The following DNAJC2 variants were observed in gnomAD, a reference collection of about 807,000 sequenced individuals.
DNAJC2 encodes the protein DnaJ heat shock protein family (Hsp40) member C2.
A neutral mutation model predicts 94.0 loss-of-function variants in DNAJC2; 32 were observed. The ratio of observed to expected loss-of-function variants is 0.34; its 90% CI spans 0.26 to 0.46. DNAJC2 has a LOEUF of 0.46. Among genes scored for constraint, DNAJC2 ranks in the 20% least tolerant of loss-of-function variants. DNAJC2 has a pLI of 1.00. For missense variants in DNAJC2, 550 were observed against 719.5 expected (o/e 0.76, Z 2.69); for synonymous variants, 210 against 229.7 (o/e 0.91, Z 0.77).
intron 7 of DNAJC2, among the ~76,000 whole-genome samples, chr7:103,323,335 G>A (rs755932660): frequency 2.0e-4 from 30 of 152,264 alleles, no homozygotes; most frequent in Admixed American, 1.1e-3. Context: ...CCTAGGTTAA[G>A]CAACCAGAAG....
Position 103,323,490 on chromosome 7 carries a change from T to A in DNAJC2, c.719+108A>T, listed in dbSNP as rs1448511686. 3.5e-6 allele frequency: 4 copies of A among 1,138,800 alleles called. No homozygotes were observed. The African/African-American group carries it at 4.9e-5, about 14-fold the overall frequency. 70.5% of individuals were successfully genotyped at this position (1,138,800 alleles called of 1,614,324 possible). ...ATATTAAAAAATTGTTTAAAAAAGA[T>A]GTACAAAGAGAAAATATGAAAGAAA... On this transcript the variant is annotated intron_variant, in intron 7 of 16. Coordinates refer to ENST00000379263, the MANE Select transcript of DNAJC2 (RefSeq NM_014377.3).
intron 4 of DNAJC2, chr7:103,327,369 C>G (rs1181500289): frequency 8.0e-7 from 1 of 1,245,706 alleles, no homozygotes; most frequent in Non-Finnish European, 1.1e-6. Context: ...ATAAGAATCA[C>G]CTGGGGATCC....
At chr7:103,327,563 G>C (rs1586094049) in intron 4 of DNAJC2, 93 bp downstream of exon 4, 1 of 816,928 alleles carries the variant, frequency 1.2e-6, no homozygotes, top group East Asian at 2.6e-5. Flanking sequence ...AAGGATAGTT[G>C]AATGAACTAC....
chr7:103,315,276 C>T (rs777314382), intron 15 of DNAJC2, among the ~76,000 whole-genome samples: 1 of 151,642 alleles, frequency 6.6e-6, no homozygotes, highest in African/African-American at 2.4e-5. Context: ...TCCCTGTATA[C>T]TCTGCCTACA....
chr7:103,330,139 T>G (rs539729865), intron 3 of DNAJC2, among the ~76,000 whole-genome samples: 11 of 152,228 alleles, frequency 7.2e-5, no homozygotes, highest in Non-Finnish European at 1.5e-4. Flanking sequence ...GTGCTTTCAC[T>G]ACCTACTCAG....
chr7:103,329,170 T>A lies in DNAJC2; in HGVS notation c.332-1416A>T, dbSNP rs149626862. 1.9e-3 allele frequency: 641 copies of A among 334,498 alleles called. 4 individuals are homozygous for A. Among genetic ancestry groups the A allele is most frequent in the African/African-American group, 0.014 (619 of 45,566 alleles). 20.7% of individuals were successfully genotyped at this position (334,498 alleles called of 1,614,324 possible). On this transcript the variant is annotated intron_variant, in intron 3 of 16. Coordinates refer to ENST00000379263, the MANE Select transcript of DNAJC2 (RefSeq NM_014377.3). ...TCTGACTCTGTGTGTCACTTACAAT[T>A]AATAATGCTAGCTGTTAACATCTAC...
intron 15 of DNAJC2, chr7:103,314,036 A>G: frequency 5.1e-6 from 5 of 985,424 alleles, no homozygotes; most frequent in South Asian, 9.4e-5. Flanking sequence ...AAACAAAACA[A>G]AACAAAACAA....
intron 15 of DNAJC2, chr7:103,313,423 G>C (rs764295234): frequency 1.0e-6 from 1 of 983,530 alleles, no homozygotes; most frequent in African/African-American, 1.7e-5. Flanking sequence ...TTATAGTACT[G>C]TTGGACTCTT....
Position 103,316,107 on chromosome 7 carries a change from CAAT to C in DNAJC2, c.1428-22_1428-20del, listed in dbSNP as rs1818038960. On this transcript the variant is annotated intron_variant, in intron 13 of 16. Transcript: ENST00000379263. ...TTCCCATCTGATAGGATATATTATA[CAAT>C]AATATGAATAGTAGTAAGGAAAAAC... The C allele has an allele frequency of 7.0e-7, 1 of 1,425,662 alleles. No individual in the cohort carries two copies. The highest frequency in any genetic ancestry group is 1.4e-5 in the African/African-American group (1 of 69,340). 88.3% of individuals were successfully genotyped at this position (1,425,662 alleles called of 1,614,324 possible).
Position 103,344,677 on chromosome 7 carries a change from C to T in DNAJC2, c.-55G>A, listed in dbSNP as rs939481852. On this transcript the variant is annotated 5_prime_UTR_variant, in exon 1 of 17. Transcript: ENST00000379263. Reference sequence around the variant, plus strand: ...AGCGGCTCACGTCCCGGGCGGAGGGCGCTTAGGGTCCCCTCCAGCTCTACC... The same window carrying T: ...AGCGGCTCACGTCCCGGGCGGAGGGTGCTTAGGGTCCCCTCCAGCTCTACC... 10 of 1,573,204 alleles carry T rather than the reference C, an allele frequency of 6.4e-6. No individual in the cohort carries two copies. The African/African-American group carries it at 1.3e-4, about 21-fold the overall frequency.
intron 4 of DNAJC2, chr7:103,327,218 T>C (rs1818754213): frequency 8.2e-6 from 4 of 486,060 alleles, no homozygotes; most frequent in Non-Finnish European, 1.4e-5. Flanking sequence ...TATAATCAAC[T>C]TCTTGATTTA....
In DNAJC2 at chr7:103,312,440, C is replaced by G; in HGVS notation, c.*129G>C. 1 of 1,517,774 alleles carries G rather than the reference C, an allele frequency of 6.6e-7. No individual in the cohort carries two copies. 94.0% of individuals were successfully genotyped at this position (1,517,774 alleles called of 1,614,324 possible). On this transcript the variant is annotated 3_prime_UTR_variant, in exon 17 of 17. Transcript: ENST00000379263. ...AGGTTGTTTTGTATTAATGGTCAGT[C>G]TTTGTTCTCTGAGAAATTATGTTGG... is the stretch of plus-strand genomic sequence containing the variant.
chr7:103,338,770 C>G (rs1260416555), intron 2 of DNAJC2, among the ~76,000 whole-genome samples: 4 of 151,558 alleles, frequency 2.6e-5, no homozygotes, highest in Non-Finnish European at 5.9e-5. Flanking sequence ...ATTAGCCGGG[C>G]GTGGTGGCGC....
In DNAJC2 at chr7:103,337,656, T is replaced by C. The variant is rs191329213; in HGVS notation, c.331+80A>G. 1.7e-3 allele frequency: 1,936 copies of C among 1,146,232 alleles called. 55 individuals carry two copies. In the Admixed American group the frequency reaches 0.034, roughly 20 times the overall value. 71.0% of individuals were successfully genotyped at this position (1,146,232 alleles called of 1,614,324 possible). ...ATGTAGTTATGGCTGCAGACTATGA[T>C]ACTGTATATCTTTTAAAAAGCATAG... is the stretch of plus-strand genomic sequence containing the variant. On this transcript the variant is annotated intron_variant, in intron 3 of 16. Transcript: ENST00000379263.
intron 10 of DNAJC2, 28 bp from the exon 11 acceptor site, chr7:103,319,872 C>G: frequency 6.2e-7 from 1 of 1,608,436 alleles, no homozygotes; most frequent in Non-Finnish European, 8.5e-7. Context: ...AAAATAGTAT[C>G]TACACTCAAA....
At chr7:103,320,830 C>A in intron 10 of DNAJC2, 1 of 113,036 alleles carries the variant, frequency 8.8e-6, no homozygotes, top group Non-Finnish European at 1.7e-5. Context: ...CTCAGCATGT[C>A]TTTTTTTTTT....
Position 103,324,448 on chromosome 7 carries a change from AT to A in DNAJC2, c.653+33del, listed in dbSNP as rs752239907. 14 of 1,432,302 alleles carry A rather than the reference AT, an allele frequency of 9.8e-6. No homozygotes were observed. In the African/African-American group the frequency reaches 2.1e-4, roughly 21 times the overall value. 88.7% of individuals were successfully genotyped at this position (1,432,302 alleles called of 1,614,324 possible). A position where few individuals can be genotyped will look rare whatever the true frequency, so the allele number is the denominator to read the frequency against. The stretch of plus-strand genomic sequence containing the variant: ...TATTGAATACTTTTCCTTTTAAAAA[AT>A]GACAGCATCATACAAACAGTATATT... On this transcript the variant is annotated intron_variant, in intron 6 of 16. Transcript: ENST00000379263.
Position 103,322,797 on chromosome 7 carries a change from A to G in DNAJC2, c.720-3T>C, listed in dbSNP as rs1428491571. On this transcript the variant is annotated splice_region_variant and splice_polypyrimidine_tract_variant and intron_variant, in intron 7 of 16. Coordinates refer to ENST00000379263, the MANE Select transcript of DNAJC2 (RefSeq NM_014377.3). ...CAATCCATCTCCTCTCATCACGACTATAAAATAGAAAATATTGGAAACAAA... is the reference window on the plus strand; with the variant it reads ...CAATCCATCTCCTCTCATCACGACTGTAAAATAGAAAATATTGGAAACAAA... The G allele has an allele frequency of 6.9e-6, 11 of 1,599,708 alleles. No homozygotes were observed. Among genetic ancestry groups the G allele is most frequent in the Admixed American group, 1.7e-5 (1 of 59,834 alleles).
chr7:103,319,804 T>G lies in DNAJC2; in HGVS notation c.1124A>C (p.Lys375Thr). The G allele has an allele frequency of 3.1e-6, 5 of 1,614,204 alleles. No homozygotes were observed. Among genetic ancestry groups the G allele is most frequent in the Non-Finnish European group, 4.2e-6 (5 of 1,180,042 alleles). Residue 375 changes from lysine (K) to threonine (T), a missense_variant, in exon 11 of 17, where the codon AAA (lysine) becomes ACA (threonine). Transcript: ENST00000379263. ...HFSDNEAERV[K>T]MMEEVEKLCD... ...AAGTTTTTCCACTTCTTCCATCATT[T>G]TAACCCGCTCTGCCTCATTATCAGA...
Sources: gnomAD v4.1 joint callset for allele counts (sites outside exome capture counted in the v4.1 genomes callset) on GRCh38, gnomAD v4.1.1 for gene constraint, MANE v1.5 for transcripts, NCBI Gene and HGNC (gene_info 2026-07-23, HGNC 2026-07-21) for gene names.